The following EFNA5 variants were observed in gnomAD, a reference collection of about 807,000 sequenced individuals.
EFNA5 encodes the protein ephrin-A5.
Under a neutral mutation model 22.9 loss-of-function variants are expected in EFNA5, and 5 were observed. The ratio of observed to expected loss-of-function variants is 0.22; its 90% CI spans 0.11 to 0.46. The LOEUF (loss-of-function observed/expected upper bound fraction) is 0.46, where lower values mean the gene tolerates loss of function less well. EFNA5 is among the 20% of genes least tolerant of loss of function. The pLI, the probability that EFNA5 is intolerant of heterozygous loss-of-function variation, is 0.99. For missense variants in EFNA5, 237 were observed against 293.3 expected (o/e 0.81, Z 1.40); for synonymous variants, 113 against 112.2 (o/e 1.01, Z -0.04).
chr5:107,392,868 C>T (rs1329477313), intron 2 of EFNA5, among the ~76,000 whole-genome samples: 2 of 152,234 alleles, frequency 1.3e-5, no homozygotes, highest in African/African-American at 2.4e-5. Flanking sequence ...GCTACTGTTA[C>T]AAGTCCACTT....
At chr5:107,569,834 CAAAAAAA>C (rs67306022) in intron 1 of EFNA5, among the ~76,000 whole-genome samples, 1 of 86,588 alleles carries the variant, frequency 1.2e-5, no homozygotes, top group African/African-American at 3.5e-5. Context: ...CCTGGGAGAC[CAAAAAAA>C]AAAAAAAAAA....
chr5:107,617,209 TACACACACACAC>T (rs373146585), intron 1 of EFNA5, among the ~76,000 whole-genome samples: 2 of 141,056 alleles, frequency 1.4e-5, no homozygotes, highest in Admixed American at 7.1e-5. Flanking sequence ...CATGTGCACA[TACACACACACAC>T]ACACACACAC....
intron 1 of EFNA5, among the ~76,000 whole-genome samples, chr5:107,516,382 G>T (rs1747482970): frequency 6.6e-6 from 1 of 151,920 alleles, no homozygotes; most frequent in African/African-American, 2.4e-5. Flanking sequence ...GGAATCAAGA[G>T]AATTTAATCC....
At chr5:107,467,998 T>G (rs1310048081) in intron 1 of EFNA5, among the ~76,000 whole-genome samples, 1 of 152,212 alleles carries the variant, frequency 6.6e-6, no homozygotes, top group Non-Finnish European at 1.5e-5. Context: ...CTTTCAATTA[T>G]GACATAGCAT....
At chr5:107,467,798 G>C (rs1175743815) in intron 1 of EFNA5, among the ~76,000 whole-genome samples, 2 of 152,140 alleles carry the variant, frequency 1.3e-5, no homozygotes, top group African/African-American at 4.8e-5. Flanking sequence ...GTCTTTCCCA[G>C]GCAGAAGCAG....
intron 1 of EFNA5, among the ~76,000 whole-genome samples, chr5:107,613,449 C>T (rs905190771): frequency 6.6e-6 from 1 of 151,944 alleles, no homozygotes; most frequent in Admixed American, 6.6e-5. Flanking sequence ...ACACCAAAAC[C>T]CCGTTAAAAA....
Position 107,380,684 on chromosome 5 carries a change from C to A in EFNA5, c.*571G>T, listed in dbSNP as rs1360072400. On this transcript the variant is annotated 3_prime_UTR_variant, in exon 5 of 5. Transcript: ENST00000333274. ...AACCAGTGTCTCAACCTTTTAGAAG[C>A]CTGTTCATTTACATACTCCTATAGG... The A allele has an allele frequency of 2.5e-6, 1 of 397,640 alleles. No homozygotes were observed. Among genetic ancestry groups the A allele is most frequent in the Non-Finnish European group, 4.4e-6 (1 of 225,728 alleles). The allele number at this position is 397,640 out of a possible 1,614,324, so 24.6% of individuals were successfully genotyped here.
intron 1 of EFNA5, among the ~76,000 whole-genome samples, chr5:107,563,159 T>C (rs907592038): frequency 1.1e-4 from 16 of 152,222 alleles, no homozygotes; most frequent in African/African-American, 3.9e-4. Flanking sequence ...GCTTAGTTAA[T>C]AGTCCATGCT....
rs764499773 is a variant in EFNA5, at chr5:107,670,533, G to C, written c.81C>G (p.Ala27=). 2.5e-6 allele frequency: 4 copies of C among 1,587,630 alleles called. No individual in the cohort carries two copies. Among genetic ancestry groups the C allele is most frequent in the Non-Finnish European group, 3.4e-6 (4 of 1,166,618 alleles). The change falls in exon 1 of 5, where the codon GCC becomes GCG. Residue 27 remains alanine, a synonymous_variant. Coordinates refer to ENST00000333274, the MANE Select transcript of EFNA5 (RefSeq NM_001962.3). ...AGTAGACAGCGTAGCGGTCGGCGACGGCCTTGGAGCCCGGGTCCTGGCTGA... is the reference window on the plus strand; with the variant it reads ...AGTAGACAGCGTAGCGGTCGGCGACCGCCTTGGAGCCCGGGTCCTGGCTGA... ...CVFSQDPGSK[A]VADRYAVYWN... is the part of the protein sequence containing the mutation.
intron 1 of EFNA5, among the ~76,000 whole-genome samples, chr5:107,491,249 T>C (rs754731388): frequency 3.9e-5 from 6 of 152,198 alleles, no homozygotes; most frequent in Non-Finnish European, 7.3e-5. Flanking sequence ...TGGTATATAC[T>C]TCAGGCAGCA....
chr5:107,378,062 A>G lies in EFNA5; in HGVS notation c.*3193T>C, dbSNP rs934812333. On this transcript the variant is annotated 3_prime_UTR_variant, in exon 5 of 5. Coordinates refer to ENST00000333274, the MANE Select transcript of EFNA5 (RefSeq NM_001962.3). ...ACACATTGGATGTTTCAAAGCCTCAATGCATGTTTTGTATCCTGAAAGTCT... is the reference window on the plus strand; with the variant it reads ...ACACATTGGATGTTTCAAAGCCTCAGTGCATGTTTTGTATCCTGAAAGTCT... 3.9e-5 allele frequency: 6 copies of G among 152,182 alleles called. No homozygotes were observed. Among genetic ancestry groups the G allele is most frequent in the African/African-American group, 1.2e-4 (5 of 41,454 alleles). 9.4% of individuals were successfully genotyped at this position (152,182 alleles called of 1,614,324 possible).
chr5:107,442,343 C>T (rs1276582443), intron 1 of EFNA5, among the ~76,000 whole-genome samples: 1 of 152,018 alleles, frequency 6.6e-6, no homozygotes, highest in African/African-American at 2.4e-5. Context: ...TTTTGAAAAT[C>T]TCCAGGGGAG....
intron 1 of EFNA5, among the ~76,000 whole-genome samples, chr5:107,479,622 C>T (rs1750404900): frequency 6.6e-6 from 1 of 152,186 alleles, no homozygotes; most frequent in Non-Finnish European, 1.5e-5. Flanking sequence ...GTCCATGAGA[C>T]TTTCATTCAG....
rs548419813 is a variant in EFNA5, at chr5:107,542,126, T to C, written c.126-114617A>G. On this transcript the variant is annotated intron_variant, in intron 1 of 4. Coordinates refer to ENST00000333274, the MANE Select transcript of EFNA5 (RefSeq NM_001962.3). Reference sequence around the variant, plus strand: ...ATTTCCCATATGCTGAAAGAGTTCATATGAGACAATGGGGCCACACTTTCA... The same window carrying C: ...ATTTCCCATATGCTGAAAGAGTTCACATGAGACAATGGGGCCACACTTTCA... 3.9e-5 allele frequency among the ~76,000 whole-genome samples: 6 copies of C among 152,338 alleles called. No individual in the cohort carries two copies. The South Asian group carries it at 1.2e-3, about 32-fold the overall frequency.
chr5:107,521,320 C>T (rs1297393482), intron 1 of EFNA5, among the ~76,000 whole-genome samples: 4 of 151,800 alleles, frequency 2.6e-5, no homozygotes, highest in Non-Finnish European at 2.9e-5. Flanking sequence ...GGTCTCATCT[C>T]GCTCTGTGGC....
At chr5:107,653,196 G>T (rs184576397) in intron 1 of EFNA5, among the ~76,000 whole-genome samples, 359 of 152,074 alleles carry the variant, frequency 2.4e-3, no homozygotes, top group Non-Finnish European at 4.2e-3. Context: ...CAGCATCACT[G>T]ACCCAAAGGT....
chr5:107,464,309 C>T (rs926466060), intron 1 of EFNA5, among the ~76,000 whole-genome samples: 3 of 152,124 alleles, frequency 2.0e-5, no homozygotes, highest in Admixed American at 6.6e-5. Context: ...ACCCTTGTCA[C>T]AACCCAGGCC....
chr5:107,453,021 G>A (rs568126172), intron 1 of EFNA5, among the ~76,000 whole-genome samples: 491 of 152,020 alleles, frequency 3.2e-3, no homozygotes, highest in Admixed American at 5.2e-3. Flanking sequence ...AGAATAATAA[G>A]CCCTGCATTG....
chr5:107,643,871 T>TTAATAATAATAATAATAA (rs148571029), intron 1 of EFNA5, among the ~76,000 whole-genome samples: 1 of 146,268 alleles, frequency 6.8e-6, no homozygotes, highest in African/African-American at 2.6e-5. Flanking sequence ...TCTATTTTCT[T>TTAATAATAATAATAATAA]TAATAATAAT....
Sources: gnomAD v4.1 joint callset for allele counts (sites outside exome capture counted in the v4.1 genomes callset) on GRCh38, gnomAD v4.1.1 for gene constraint, MANE v1.5 for transcripts, NCBI Gene and HGNC (gene_info 2026-07-23, HGNC 2026-07-21) for gene names.